The following EML2 variants were observed in gnomAD, a reference collection of about 807,000 sequenced individuals.
EML2 encodes the protein EMAP like 2.
EML2 carries 59 observed loss-of-function variants against 84.7 expected under a neutral mutation model. The ratio of observed to expected loss-of-function variants is 0.70; its 90% CI spans 0.56 to 0.86. EML2 has a LOEUF of 0.86. Among genes scored for constraint, EML2 ranks in the 40% least tolerant of loss-of-function variants. EML2 has a pLI of 0.00. For synonymous variants in EML2, 352 were observed against 348.9 expected, an observed-to-expected ratio of 1.01 and a Z score of -0.10; for missense variants, 818 against 855.6, an observed-to-expected ratio of 0.96 and a Z score of 0.55.
Position 45,613,738 on chromosome 19 carries a change from T to C in EML2, c.1694-67A>G, listed in dbSNP as rs371262439. On this transcript the variant is annotated intron_variant, in intron 17 of 18. Coordinates refer to ENST00000245925, the MANE Select transcript of EML2 (RefSeq NM_012155.4). ...GCCAGGGACCGCCAAGAGGAGCAGA[T>C]TGCCACTCCAGCCACCTTAATTTGT... is the stretch of plus-strand genomic sequence containing the variant. The C allele has an allele frequency of 1.1e-5, 17 of 1,575,148 alleles. No homozygotes were observed. In the African/African-American group the frequency reaches 1.6e-4, roughly 15 times the overall value.
chr19:45,641,519 C>T (rs1974496844), upstream of EML2: 13 of 974,908 alleles, frequency 1.3e-5, no homozygotes, highest in Non-Finnish European at 2.0e-5. Flanking sequence ...CTGGCACCGT[C>T]CCCGCTTTTG....
At chr19:45,643,782 G>A (rs1438383544), upstream of EML2, 2 of 1,474,462 alleles carry the variant, frequency 1.4e-6, no homozygotes, top group African/African-American at 2.8e-5. Context: ...GCCGAGGCTT[G>A]CCCGCCCTGC....
At chr19:45,615,238 C>T (rs1379846861) in intron 16 of EML2, among the ~76,000 whole-genome samples, 1 of 151,760 alleles carries the variant, frequency 6.6e-6, no homozygotes, top group African/African-American at 2.4e-5. Flanking sequence ...TACTCAGGAG[C>T]CTGAGGCAAG....
chr19:45,616,620 C>T, intron 14 of EML2, 62 bp from the exon 15 acceptor site: 2 of 1,448,746 alleles, frequency 1.4e-6, no homozygotes, highest in Admixed American at 3.5e-5. Flanking sequence ...CTCGCCCAGA[C>T]TCAGCCCCCT....
At chr19:45,643,796 C>G (rs1194822642), upstream of EML2, 2 of 1,460,044 alleles carry the variant, frequency 1.4e-6, no homozygotes, top group Non-Finnish European at 1.8e-6. Context: ...GCCCTGCCCC[C>G]CACTCAGCGC....
chr19:45,633,428 C>T (rs753443921), intron 4 of EML2, among the ~76,000 whole-genome samples: 99 of 151,494 alleles, frequency 6.5e-4, no homozygotes, highest in Non-Finnish European at 8.4e-4. Flanking sequence ...CTGCTCCAGC[C>T]ACCAGGAATT....
chr19:45,628,168 G>C (rs1040861107), intron 7 of EML2, among the ~76,000 whole-genome samples: 1 of 151,676 alleles, frequency 6.6e-6, no homozygotes, highest in African/African-American at 2.4e-5. Context: ...TCAGGAGTTC[G>C]AGACTGGCCT....
At position 45,634,296 on chromosome 19, in the gene EML2, C is replaced by T. The variant is rs369559850; in HGVS notation, c.329+26G>A. ...GCTCCATCTCCAGCCACAGCTCCCT[C>T]CCGTCCCCTCTGTCCCACATCTCAC... On this transcript the variant is annotated intron_variant, in intron 4 of 18. Transcript: ENST00000245925. The T allele has an allele frequency of 9.6e-5, 155 of 1,612,258 alleles. No homozygotes were observed. In the African/African-American group the frequency reaches 1.7e-3, roughly 18 times the overall value.
intron 8 of EML2, 26 bp from the exon 9 acceptor site, chr19:45,624,844 G>A: frequency 6.5e-7 from 1 of 1,548,748 alleles, no homozygotes. Flanking sequence ...AAAGGAAGGT[G>A]TCAGAGCGTC....
chr19:45,624,348 A>G (rs1473536397), intron 9 of EML2, among the ~76,000 whole-genome samples: 1 of 151,972 alleles, frequency 6.6e-6, no homozygotes, highest in Non-Finnish European at 1.5e-5. Flanking sequence ...ACCTTCATTC[A>G]TTCCTTCATT....
intron 3 of EML2, among the ~76,000 whole-genome samples, chr19:45,636,366 A>C (rs1174241674): frequency 6.6e-6 from 1 of 152,186 alleles, no homozygotes; most frequent in Admixed American, 6.5e-5. Flanking sequence ...TTAACTGCTC[A>C]TATTCCCCAA....
intron 3 of EML2, among the ~76,000 whole-genome samples, chr19:45,634,882 C>A (rs1266547413): frequency 2.0e-5 from 3 of 150,816 alleles, no homozygotes; most frequent in Admixed American, 2.0e-4. Context: ...GACGCAGTCT[C>A]GCTCTGTCTC....
At chr19:45,631,089 C>T (rs1972972067) in intron 6 of EML2, among the ~76,000 whole-genome samples, 1 of 152,206 alleles carries the variant, frequency 6.6e-6, no homozygotes, top group African/African-American at 2.4e-5. Flanking sequence ...TCTGGTGATA[C>T]ACCAGCTTCC....
At chr19:45,630,414 G>A (rs1047855741) in intron 6 of EML2, among the ~76,000 whole-genome samples, 3 of 151,866 alleles carry the variant, frequency 2.0e-5, no homozygotes, top group African/African-American at 4.8e-5. Context: ...TTAGCCAGGC[G>A]TGGTGGCAGG....
At position 45,632,136 on chromosome 19, in the gene EML2, G is replaced by A. The variant is rs1973119639; in HGVS notation, c.510+725C>T. Among the ~76,000 whole-genome samples, 2 of 147,072 alleles carry A rather than the reference G, an allele frequency of 1.4e-5. 1 individual carries two copies. The highest frequency in any genetic ancestry group is 4.3e-4 in the South Asian group (2 of 4,668). Reference sequence around the variant, plus strand: ...TCTCAAACTCCTGACCTTGTGATCCGCCCGCCTCGGCCTCCTAAAGTGCTA... The same window carrying A: ...TCTCAAACTCCTGACCTTGTGATCCACCCGCCTCGGCCTCCTAAAGTGCTA... On this transcript the variant is annotated intron_variant, in intron 6 of 18. Transcript: ENST00000245925.
At chr19:45,614,471 C>A in intron 17 of EML2, 134 bp downstream of exon 17, 1 of 757,692 alleles carries the variant, frequency 1.3e-6, no homozygotes, top group Non-Finnish European at 2.3e-6. Context: ...TCCTCTTACA[C>A]AAATACAGCC....
At chr19:45,641,974 C>A, upstream of EML2, 1 of 1,443,416 alleles carries the variant, frequency 6.9e-7, no homozygotes, top group Non-Finnish European at 9.1e-7. Flanking sequence ...CATAGCCACC[C>A]ACGCGCCGCG....
chr19:45,641,694 G>A, upstream of EML2: 1 of 1,536,140 alleles, frequency 6.5e-7, no homozygotes, highest in South Asian at 1.2e-5. Flanking sequence ...GGCTGCGGGG[G>A]TCCTCACGGC....
chr19:45,633,043 T>C (rs1973263472), intron 5 of EML2, 27 bp downstream of exon 5: 14 of 1,592,278 alleles, frequency 8.8e-6, no homozygotes, highest in Admixed American at 1.8e-5. Context: ...CCTGCACTCT[T>C]TTCTGCTTTC....
Sources: gnomAD v4.1 joint callset for allele counts (sites outside exome capture counted in the v4.1 genomes callset) on GRCh38, gnomAD v4.1.1 for gene constraint, MANE v1.5 for transcripts, NCBI Gene and HGNC (gene_info 2026-07-23, HGNC 2026-07-21) for gene names.